Variants in RYR1 observed in about 807,000 individuals in gnomAD.
RYR1 encodes ryanodine receptor 1.
RYR1 carries 342 observed loss-of-function variants against 583.5 expected under a neutral mutation model. The observed-to-expected ratio is 0.59, with a 90% CI of 0.54 to 0.64. The LOEUF (loss-of-function observed/expected upper bound fraction) is 0.64, where lower values mean the gene tolerates loss of function less well. Ranked by LOEUF, RYR1 falls within the 30% of genes least tolerant of loss-of-function variation. The pLI is 0.00. For missense variants in RYR1, 6,032 were observed against 6,917.2 expected, an observed-to-expected ratio of 0.87 and a Z score of 4.54; for synonymous variants, 2,791 against 2,822.5, an observed-to-expected ratio of 0.99 and a Z score of 0.35.
rs753385586 is a variant in RYR1, at chr19:38,573,218, G to A, written c.14040G>A (p.Arg4680=). 6.2e-7 allele frequency: 1 copy of A among 1,614,048 alleles called. No homozygotes were observed. Among genetic ancestry groups the A allele is most frequent in the Non-Finnish European group, 8.5e-7 (1 of 1,179,958 alleles). ...VIFKREKELA[R]KLEFDGLYIT... ...TTAAGCGGGAGAAGGAGCTGGCCCG[G>A]AAGCTGGAGTTTGATGGCCTGTACA... The change falls in exon 96 of 106, where the codon CGG becomes CGA. Residue 4680 remains arginine, a synonymous_variant. Coordinates refer to ENST00000359596, the MANE Select transcript of RYR1 (RefSeq NM_000540.3).
In RYR1 at chr19:38,502,880, G is replaced by A. The variant is rs755128540; in HGVS notation, c.7836G>A (p.Arg2612=). ...CTACATCTTGTGCATTGTCCCGCAG[G>A]TACATCCGCCCGTCGATGCTGCAGC... ...VIEDCLMSLC[R]YIRPSMLQHL... is the part of the protein sequence containing the mutation. Residue 2612 remains arginine (R), a splice_region_variant and synonymous_variant, in exon 49 of 106, where the codon AGG becomes AGA. Transcript: ENST00000359596. 2.4e-5 allele frequency: 39 copies of A among 1,610,538 alleles called. No homozygotes were observed. The highest frequency in any genetic ancestry group is 5.0e-5 in the Admixed American group (3 of 59,958).
At chr19:38,454,275 G>A (rs1967247293) in intron 13 of RYR1, among the ~76,000 whole-genome samples, 1 of 152,166 alleles carries the variant, frequency 6.6e-6, no homozygotes, top group South Asian at 2.1e-4. Flanking sequence ...CCTGACCTCA[G>A]GTGATCCACC....
At chr19:38,581,900 A>G (rs1264407089) in intron 101 of RYR1, among the ~76,000 whole-genome samples, 1 of 151,958 alleles carries the variant, frequency 6.6e-6, no homozygotes, top group Non-Finnish European at 1.5e-5. Flanking sequence ...GAGCAACTGC[A>G]CCCGGCCTTA....
chr19:38,465,115 C>T (rs1047617371), intron 23 of RYR1, among the ~76,000 whole-genome samples: 8 of 152,068 alleles, frequency 5.3e-5, no homozygotes, highest in African/African-American at 9.7e-5. Context: ...GTCCTGAGTT[C>T]AGAGGTCAAG....
intron 29 of RYR1, among the ~76,000 whole-genome samples, chr19:38,476,198 T>G (rs984129974): frequency 6.6e-6 from 1 of 151,832 alleles, no homozygotes; most frequent in Non-Finnish European, 1.5e-5. Flanking sequence ...AATTTTTGTT[T>G]TCTGTTTTTT....
chr19:38,453,058 G>GA, intron 13 of RYR1, 44 bp downstream of exon 13: 1 of 1,599,022 alleles, frequency 6.3e-7, no homozygotes, highest in Non-Finnish European at 8.5e-7. Flanking sequence ...GGGCCCAGGG[G>GA]GCGGGACCAC....
At chr19:38,585,220 A>T (rs1358395481) in intron 102 of RYR1, 121 bp downstream of exon 102, 3 of 1,264,860 alleles carry the variant, frequency 2.4e-6, no homozygotes, top group Middle Eastern at 2.6e-4. Flanking sequence ...CTACTGTGAG[A>T]CCTTGGGCAA....
chr19:38,452,112 G>T (rs1967105607), intron 12 of RYR1, among the ~76,000 whole-genome samples: 1 of 101,022 alleles, frequency 9.9e-6, no homozygotes, highest in Non-Finnish European at 1.8e-5. Context: ...AGCATAGGGA[G>T]ACCCCGCCTC....
intron 29 of RYR1, 122 bp from the exon 30 acceptor site, chr19:38,477,588 C>A: frequency 8.1e-7 from 1 of 1,230,800 alleles, no homozygotes. Flanking sequence ...GGACTCAGAT[C>A]CAACAACTTC....
Position 38,543,929 on chromosome 19 carries a change from C to A in RYR1, c.12012+54C>A, listed in dbSNP as rs1305212240. The A allele has an allele frequency of 1.9e-6, 3 of 1,539,632 alleles. No individual in the cohort carries two copies. Among genetic ancestry groups the A allele is most frequent in the African/African-American group, 2.7e-5 (2 of 72,902 alleles). Reference sequence around the variant, plus strand: ...TGCTTCCGGGCGTCCCCCAAGTGGTCCATTTCCAAGTCTTGCCCCTTTGGT... The same window carrying A: ...TGCTTCCGGGCGTCCCCCAAGTGGTACATTTCCAAGTCTTGCCCCTTTGGT... On this transcript the variant is annotated intron_variant, in intron 87 of 105. Transcript: ENST00000359596. The surrounding 1 kb of genome is among the most constrained non-coding windows in gnomAD (Gnocchi z 4.4).
chr19:38,483,260 C>T lies in RYR1; in HGVS notation c.4708-30C>T. 1 of 1,566,582 alleles carries T rather than the reference C, an allele frequency of 6.4e-7. No homozygotes were observed. Among genetic ancestry groups the T allele is most frequent in the Non-Finnish European group, 8.7e-7 (1 of 1,155,494 alleles). On this transcript the variant is annotated intron_variant, in intron 32 of 105. Coordinates refer to ENST00000359596, the MANE Select transcript of RYR1 (RefSeq NM_000540.3). The surrounding 1 kb of genome is among the most constrained non-coding windows in gnomAD (Gnocchi z 6.3). ...TGGTGGGACAGAGGGGGCTGGCCAT[C>T]TTGACCCATGTGTGTCTCTCTGCCC...
chr19:38,565,837 G>T lies in RYR1; in HGVS notation c.13437+66G>T. The stretch of plus-strand genomic sequence containing the variant: ...GGGATTGGAGGGAGGAAGAGAGCCC[G>T]GCTGGGTGGAGACACACACAGAGGA... On this transcript the variant is annotated intron_variant, in intron 91 of 105. Coordinates refer to ENST00000359596, the MANE Select transcript of RYR1 (RefSeq NM_000540.3). This position sits in a 1 kb window ranked among gnomAD's most constrained non-coding sequence, Gnocchi z 4.7. The T allele has an allele frequency of 7.4e-7, 1 of 1,349,852 alleles. No individual in the cohort carries two copies. The highest frequency in any genetic ancestry group is 9.5e-7 in the Non-Finnish European group (1 of 1,056,418). 83.6% of individuals were successfully genotyped at this position (1,349,852 alleles called of 1,614,324 possible).
intron 13 of RYR1, among the ~76,000 whole-genome samples, chr19:38,454,795 AAAAAG>A (rs1417276901): frequency 2.6e-5 from 4 of 151,428 alleles, no homozygotes; most frequent in Admixed American, 6.6e-5. Flanking sequence ...ATGTAAAAAA[AAAAAG>A]AAAAGAAAAG....
rs998269152 is a variant in RYR1 at position 38,492,754 on chromosome 19, G to A, written c.6274+118G>A. 3.2e-5 allele frequency: 34 copies of A among 1,075,734 alleles called. No homozygotes were observed. The Admixed American group carries it at 8.0e-4, about 25-fold the overall frequency. The allele number at this position is 1,075,734 out of a possible 1,614,324, so 66.6% of individuals were successfully genotyped here. A position where few individuals can be genotyped will look rare whatever the true frequency, so the allele number is the denominator to read the frequency against. ...GATGCAAGGGAGGGGTAGATAGGCA[G>A]GAGTGAGAGGGGAAGAGTGGCGGGC... On this transcript the variant is annotated intron_variant, in intron 38 of 105. Coordinates refer to ENST00000359596, the MANE Select transcript of RYR1 (RefSeq NM_000540.3).
At chr19:38,505,494 TA>T (rs1970403614) in intron 53 of RYR1, 96 bp downstream of exon 53, 2 of 922,896 alleles carry the variant, frequency 2.2e-6, no homozygotes, top group African/African-American at 3.3e-5. Context: ...TGTTTGCATC[TA>T]GGTGGATCTG....
At chr19:38,463,918 G>C (rs1465160050) in intron 22 of RYR1, 68 bp downstream of exon 22, 2 of 1,147,116 alleles carry the variant, frequency 1.7e-6, no homozygotes, top group East Asian at 4.7e-5. Context: ...GGCATGGAGA[G>C]ACAGGGCAGG....
chr19:38,490,305 T>C (rs1465656634), intron 36 of RYR1, 29 bp downstream of exon 36: 1 of 1,601,318 alleles, frequency 6.2e-7, no homozygotes, highest in African/African-American at 1.3e-5. Flanking sequence ...CTGGCCACTT[T>C]TACTGTCTAA....
Position 38,517,545 on chromosome 19 carries a change from C to T in RYR1, c.9872C>T (p.Ala3291Val). The change falls in exon 66 of 106, where the codon GCA becomes GTA. Residue 3291 changes from alanine (A) to valine (V), a missense_variant. By Grantham distance (64) the Ala-to-Val change is moderately conservative. Around this residue, in one of 11 missense-constraint regions of RYR1, gnomAD observed 1,493 missense variants for 1,715.5 expected, o/e 0.87. Coordinates refer to ENST00000359596, the MANE Select transcript of RYR1 (RefSeq NM_000540.3). Reference sequence around the variant, plus strand: ...CGATGGTGGGAGCGCGGGCCCGAGGCACCCCCTTCCGCCCTGCCCGCCGGC... The same window carrying T: ...CGATGGTGGGAGCGCGGGCCCGAGGTACCCCCTTCCGCCCTGCCCGCCGGC... ...LPRWWERGPE[A>V]PPSALPAGAP... is the part of the protein sequence containing the mutation. The T allele has an allele frequency of 6.2e-7, 1 of 1,613,862 alleles. No individual in the cohort carries two copies. Among genetic ancestry groups the T allele is most frequent in the Non-Finnish European group, 8.5e-7 (1 of 1,179,866 alleles).
intron 102 of RYR1, among the ~76,000 whole-genome samples, chr19:38,585,367 G>GATATAT: frequency 7.4e-6 from 1 of 135,666 alleles, no homozygotes; most frequent in African/African-American, 3.1e-5. Context: ...ATAAAGGCCT[G>GATATAT]AGATATATAT....
Sources: allele counts gnomAD v4.1 joint callset (sites outside exome capture counted in the v4.1 genomes callset), GRCh38; gene constraint gnomAD v4.1.1; regional missense constraint gnomAD v4.1.1; non-coding constraint Gnocchi (gnomAD v3.1); transcripts MANE v1.5; gene names NCBI Gene and HGNC (gene_info 2026-07-23, HGNC 2026-07-21).